The following AIG1 variants were observed in gnomAD, a reference collection of about 807,000 sequenced individuals.
AIG1 encodes androgen induced 1, also known as androgen-induced gene 1 protein.
A neutral mutation model predicts 31.4 loss-of-function variants in AIG1; 23 were observed. The observed-to-expected ratio is 0.73, with a 90% confidence interval of 0.53 to 1.04. The LOEUF is 1.04. Among genes scored for constraint, AIG1 ranks in the 50% least tolerant of loss-of-function variants. The pLI is 0.00. For synonymous variants in AIG1, 100 were observed against 110.5 expected (o/e 0.90, Z 0.60); for missense variants, 274 against 295.0 (o/e 0.93, Z 0.52).
intron 1 of AIG1, chr6:143,094,430 G>GT (rs1351574288): frequency 6.6e-6 from 1 of 152,160 alleles, no homozygotes; most frequent in Non-Finnish European, 1.5e-5. Context: ...GTTGCTAATG[G>GT]TAAGAGTTAG....
intron 1 of AIG1, among the ~76,000 whole-genome samples, chr6:143,133,329 C>G (rs1476824690): frequency 6.6e-6 from 1 of 152,064 alleles, no homozygotes; most frequent in Non-Finnish European, 1.5e-5. Flanking sequence ...TCTTGGGTCT[C>G]TACTGAATGC....
chr6:143,126,106 T>A (rs1376071383), intron 1 of AIG1: 1 of 152,194 alleles, frequency 6.6e-6, no homozygotes, highest in Non-Finnish European at 1.5e-5. Flanking sequence ...AGAAAGAATT[T>A]CGGTCATTAC....
At chr6:143,201,839 T>A (rs1790721578) in intron 3 of AIG1, among the ~76,000 whole-genome samples, 2 of 152,228 alleles carry the variant, frequency 1.3e-5, no homozygotes. Context: ...AAAGATAGCC[T>A]GCTTCTAGTT....
At chr6:143,211,841 T>C (rs1183198197) in intron 3 of AIG1, among the ~76,000 whole-genome samples, 2 of 151,212 alleles carry the variant, frequency 1.3e-5, no homozygotes, top group Admixed American at 6.6e-5. Context: ...TGCAGTGCGC[T>C]GAGATCACAC....
rs1798220874 is a variant in AIG1, at chr6:143,293,758, G to C, written c.515+9533G>C. On this transcript the variant is annotated intron_variant, in intron 4 of 5. Coordinates refer to ENST00000357847, the MANE Select transcript of AIG1 (RefSeq NM_016108.4). The surrounding 1 kb of genome is among the most constrained non-coding windows in gnomAD (Gnocchi z 4.8). ...GCCCCACCCTGAAGTCATGTTTTATGTGGTTATGATCCTTCCCCCACTCCC... is the reference window on the plus strand; with the variant it reads ...GCCCCACCCTGAAGTCATGTTTTATCTGGTTATGATCCTTCCCCCACTCCC... 6.6e-6 allele frequency among the ~76,000 whole-genome samples: 1 copy of C among 152,104 alleles called. No homozygotes were observed. The highest frequency in any genetic ancestry group is 1.5e-5 in the Non-Finnish European group (1 of 68,006).
intron 3 of AIG1, among the ~76,000 whole-genome samples, chr6:143,277,455 A>G (rs1797021158): frequency 6.6e-6 from 1 of 152,244 alleles, no homozygotes; most frequent in African/African-American, 2.4e-5. Flanking sequence ...CAGTAACACA[A>G]AGATATGCAC....
rs531894252 is a variant in AIG1 at position 143,320,915 on chromosome 6, G to A, written c.516-12367G>A. On this transcript the variant is annotated intron_variant, in intron 4 of 5. Coordinates refer to ENST00000357847, the MANE Select transcript of AIG1 (RefSeq NM_016108.4). Reference sequence around the variant, plus strand: ...TGGCTCACCGCGACTTCTGTCTCCCGAGTTCAAGCGATTCTCCTGCCTCAG... The same window carrying A: ...TGGCTCACCGCGACTTCTGTCTCCCAAGTTCAAGCGATTCTCCTGCCTCAG... 3.4e-5 allele frequency among the ~76,000 whole-genome samples: 5 copies of A among 148,698 alleles called. No individual in the cohort carries two copies. The South Asian group carries it at 9.0e-4, about 27-fold the overall frequency.
chr6:143,198,819 G>C (rs982816530), intron 3 of AIG1, among the ~76,000 whole-genome samples: 3 of 152,204 alleles, frequency 2.0e-5, no homozygotes, highest in Admixed American at 6.5e-5. Flanking sequence ...TTGCAGGGTT[G>C]CACGGACATC....
At chr6:143,113,931 C>T (rs1037081858) in intron 1 of AIG1, among the ~76,000 whole-genome samples, 60 of 151,916 alleles carry the variant, frequency 3.9e-4, no homozygotes, top group Non-Finnish European at 8.8e-5. Context: ...CCCACCACCA[C>T]GCCCGGCTAA....
intron 2 of AIG1, among the ~76,000 whole-genome samples, chr6:143,140,353 T>A (rs1178435501): frequency 6.6e-6 from 1 of 152,164 alleles, no homozygotes; most frequent in Non-Finnish European, 1.5e-5. Flanking sequence ...ACTAAAACAT[T>A]TAATTTTGTG....
At chr6:143,118,524 T>TA (rs550071863) in intron 1 of AIG1, among the ~76,000 whole-genome samples, 131 of 150,582 alleles carry the variant, frequency 8.7e-4, no homozygotes, top group Non-Finnish European at 1.4e-3. Flanking sequence ...AACATTAAGG[T>TA]AAAAAAAAAT....
Position 143,189,940 on chromosome 6 carries a change from G to A in AIG1, c.399+24757G>A, listed in dbSNP as rs1789633748. ...AAGTCCAAGAGCTGGGTGCCAGCAT[G>A]GTTGGGTTCTGATGAGGATCCTCTT... On this transcript the variant is annotated intron_variant, in intron 3 of 5. Coordinates refer to ENST00000357847, the MANE Select transcript of AIG1 (RefSeq NM_016108.4). 9.2e-6 allele frequency: 6 copies of A among 652,500 alleles called. No individual in the cohort carries two copies. The South Asian group carries it at 2.7e-4, about 30-fold the overall frequency. The allele number at this position is 652,500 out of a possible 1,614,324, so 40.4% of individuals were successfully genotyped here.
intron 4 of AIG1, among the ~76,000 whole-genome samples, chr6:143,295,157 GGCCCACTCCA>G (rs1798335871): frequency 6.6e-6 from 1 of 151,920 alleles, no homozygotes; most frequent in Non-Finnish European, 1.5e-5. Context: ...ATCTCTCTTG[GGCCCACTCCA>G]GGCAGTTGTT....
intron 4 of AIG1, among the ~76,000 whole-genome samples, chr6:143,314,833 A>T (rs990743208): frequency 2.0e-5 from 3 of 152,168 alleles, no homozygotes; most frequent in African/African-American, 7.2e-5. Flanking sequence ...ACACTCTTTG[A>T]GGATGAAGCA....
intron 2 of AIG1, among the ~76,000 whole-genome samples, chr6:143,142,535 A>T (rs776698008): frequency 6.6e-6 from 1 of 152,156 alleles, no homozygotes; most frequent in Non-Finnish European, 1.5e-5. Context: ...GCATCGCGGT[A>T]TGAAGATGAT....
chr6:143,275,536 CCT>C (rs1457942192), intron 3 of AIG1, among the ~76,000 whole-genome samples: 5 of 152,118 alleles, frequency 3.3e-5, no homozygotes, highest in African/African-American at 1.2e-4. Flanking sequence ...AGCTCTTCAT[CCT>C]CTTTCATGTC....
At chr6:143,104,498 C>T (rs1232020229) in intron 1 of AIG1, among the ~76,000 whole-genome samples, 2 of 152,158 alleles carry the variant, frequency 1.3e-5, no homozygotes, top group African/African-American at 4.8e-5. Context: ...GTTCCAAAGA[C>T]CTTTGAGTAT....
chr6:143,076,861 C>T (rs1358379819), intron 1 of AIG1, among the ~76,000 whole-genome samples: 1 of 152,074 alleles, frequency 6.6e-6, no homozygotes, highest in East Asian at 1.9e-4. Flanking sequence ...TTGGTAGAGA[C>T]AGGGTTTCAC....
rs1777828567 is a variant in AIG1 at position 143,340,797 on chromosome 6, CTT to C, written c.*1123_*1124del. On this transcript the variant is annotated 3_prime_UTR_variant, in exon 6 of 6. Transcript: ENST00000357847. ...TTTTAAAAAAACTATTTTACAAAATCTTTGACCGTAATTATTTTTAAGATGAA... is the reference window on the plus strand; with the variant it reads ...TTTTAAAAAAACTATTTTACAAAATCTGACCGTAATTATTTTTAAGATGAA... 6.6e-6 allele frequency among the ~76,000 whole-genome samples: 1 copy of C among 152,050 alleles called. No homozygotes were observed.
Sources: gnomAD v4.1 joint callset for allele counts (sites outside exome capture counted in the v4.1 genomes callset) on GRCh38, gnomAD v4.1.1 for gene constraint, Gnocchi (gnomAD v3.1) non-coding constraint, MANE v1.5 for transcripts, NCBI Gene and HGNC (gene_info 2026-07-23, HGNC 2026-07-21) for gene names.